RPS8: variants seen among roughly 807,000 people sequenced by gnomAD.
RPS8 encodes small ribosomal subunit protein eS8.
For synonymous variants in RPS8, 100 were observed against 100.7 expected (o/e 0.99, Z 0.04); for missense variants, 141 against 269.7 (o/e 0.52, Z 3.34).
chr1:44,778,463 T>A (rs1028116275), intron 5 of RPS8, 113 bp from the exon 6 acceptor site: 12 of 881,338 alleles, frequency 1.4e-5, no homozygotes, highest in Non-Finnish European at 2.3e-5. Flanking sequence ...AGGAGACAGC[T>A]GGCTTCATGC....
chr1:44,778,209 TTGAC>T lies in RPS8; in HGVS notation c.517+83_517+86del, dbSNP rs888041485. 7 of 1,547,584 alleles carry T rather than the reference TTGAC, an allele frequency of 4.5e-6. No individual in the cohort carries two copies. The African/African-American group carries it at 8.2e-5, about 18-fold the overall frequency. On this transcript the variant is annotated intron_variant, in intron 5 of 5. Transcript: ENST00000396651. Reference sequence around the variant, plus strand: ...GCACTTTTCCCTTGTCTCAGTTCCTTTGACTGCCAGCCATGCAGTCTAAAGGGTT... The same window carrying T: ...GCACTTTTCCCTTGTCTCAGTTCCTTTGCCAGCCATGCAGTCTAAAGGGTT...
In RPS8 at chr1:44,776,113, G is replaced by A. The variant is rs760170250; in HGVS notation, c.84G>A (p.Glu28=). The change falls in exon 2 of 6, where the codon GAG becomes GAA. Residue 28 remains glutamate, a synonymous_variant. Coordinates refer to ENST00000396651, the MANE Select transcript of RPS8 (RefSeq NM_001012.2). ...CCTACCACAAGAAGCGGAAGTATGA[G>A]TTGGGGCGCCCAGCTGCCAACACCA... ...RKPYHKKRKY[E]LGRPAANTKI... is the part of the protein sequence containing the mutation. 1 of 1,606,170 alleles carries A rather than the reference G, an allele frequency of 6.2e-7. No homozygotes were observed. The highest frequency in any genetic ancestry group is 8.5e-7 in the Non-Finnish European group (1 of 1,177,848).
At chr1:44,778,230 T>A in intron 5 of RPS8, 101 bp downstream of exon 5, 2 of 1,428,296 alleles carry the variant, frequency 1.4e-6, no homozygotes, top group Non-Finnish European at 2.0e-6. Flanking sequence ...CCATGCAGTC[T>A]AAAGGGTTCA....
In RPS8 at chr1:44,775,582, A is replaced by G. The variant is rs550212070; in HGVS notation, c.-15A>G. On this transcript the variant is annotated 5_prime_UTR_variant, in exon 1 of 6. Transcript: ENST00000396651. ...GTGAATCTTTGCGGTTTCTCTTTCCAGCCAGCGCCGAGCGATGGGTGAGTG... is the reference window on the plus strand; with the variant it reads ...GTGAATCTTTGCGGTTTCTCTTTCCGGCCAGCGCCGAGCGATGGGTGAGTG... 565 of 1,614,106 alleles carry G rather than the reference A, an allele frequency of 3.5e-4. 9 individuals carry two copies. The South Asian group carries it at 5.9e-3, about 17-fold the overall frequency.
chr1:44,778,724 A>G lies in RPS8; in HGVS notation c.*39A>G. ...CTTCACCCATGTAATAAAGGTGTTT[A>G]TTGTTTTGTTCCCACATTTATGTTG... On this transcript the variant is annotated 3_prime_UTR_variant, in exon 6 of 6. Transcript: ENST00000396651. 7.3e-7 allele frequency: 1 copy of G among 1,377,936 alleles called. No homozygotes were observed. The highest frequency in any genetic ancestry group is 1.3e-5 in the South Asian group (1 of 79,948). 85.4% of individuals were successfully genotyped at this position (1,377,936 alleles called of 1,614,324 possible).
Position 44,775,973 on chromosome 1 carries a change from T to C in RPS8, c.5-61T>C. The C allele has an allele frequency of 2.0e-6, 3 of 1,521,652 alleles. No homozygotes were observed. In the South Asian group the frequency reaches 3.4e-5, roughly 17 times the overall value. 94.3% of individuals were successfully genotyped at this position (1,521,652 alleles called of 1,614,324 possible). A position where few individuals can be genotyped will look rare whatever the true frequency, so the allele number is the denominator to read the frequency against. On this transcript the variant is annotated intron_variant, in intron 1 of 5. Transcript: ENST00000396651. ...GCCCGGCGCGGGGGTCTCCGGGAGC[T>C]GGCGAGTCGCTAGCACCGAGTCACA...
Position 44,775,617 on chromosome 1 carries a change from A to G in RPS8, c.4+17A>G, listed in dbSNP as rs990748145. On this transcript the variant is annotated intron_variant, in intron 1 of 5. Transcript: ENST00000396651. ...GAGCGATGGGTGAGTGTCGCTCTGC[A>G]TTGAGGCGGGTGAAGGGAGGTTGAG... is the stretch of plus-strand genomic sequence containing the variant. The G allele has an allele frequency of 1.4e-5, 22 of 1,613,954 alleles. No homozygotes were observed. Among genetic ancestry groups the G allele is most frequent in the Non-Finnish European group, 1.4e-5 (17 of 1,179,964 alleles).
chr1:44,778,262 A>T (rs897859219), intron 5 of RPS8, 133 bp downstream of exon 5: 2 of 1,157,922 alleles, frequency 1.7e-6, no homozygotes, highest in African/African-American at 3.0e-5. Context: ...CTGCGAGCAC[A>T]AAGGGGAACG....
intron 5 of RPS8, 77 bp downstream of exon 5, chr1:44,778,206 C>T: frequency 6.5e-7 from 1 of 1,545,360 alleles, no homozygotes; most frequent in Non-Finnish European, 8.8e-7. Context: ...TGTCTCAGTT[C>T]CTTTGACTGC....
At chr1:44,778,263 A>G (rs997513863) in intron 5 of RPS8, 134 bp downstream of exon 5, 19 of 1,145,096 alleles carry the variant, frequency 1.7e-5, no homozygotes, top group Admixed American at 8.7e-5. Context: ...TGCGAGCACA[A>G]AGGGGAACGT....
Position 44,776,443 on chromosome 1 carries a change from A to G in RPS8, c.112-232A>G, listed in dbSNP as rs1650856349. 20 of 752,616 alleles carry G rather than the reference A, an allele frequency of 2.7e-5. No homozygotes were observed. The East Asian group carries it at 4.9e-4, about 18-fold the overall frequency. The allele number at this position is 752,616 out of a possible 1,614,324, so 46.6% of individuals were successfully genotyped here. ...AGAAGCCTAGTCTTGTTTTTTTTAC[A>G]GAGGCTTAATTTTCAGCATTTGGGG... is the stretch of plus-strand genomic sequence containing the variant. On this transcript the variant is annotated intron_variant, in intron 2 of 5. Transcript: ENST00000396651.
chr1:44,776,630 T>G, intron 2 of RPS8, 45 bp from the exon 3 acceptor site: 1 of 1,555,530 alleles, frequency 6.4e-7, no homozygotes, highest in Non-Finnish European at 8.9e-7. Context: ...CTCACTTGCC[T>G]TGCTCTCCTT....
At position 44,776,071 on chromosome 1, in the gene RPS8, C is replaced by A; in HGVS notation, c.42C>A (p.Thr14=). The change falls in exon 2 of 6, where the codon ACC becomes ACA. Residue 14 remains threonine (T), a synonymous_variant. Coordinates refer to ENST00000396651, the MANE Select transcript of RPS8 (RefSeq NM_001012.2). The part of the protein sequence containing the change: ...SRDNWHKRRK[T]GGKRKPYHKK... ...ACAACTGGCACAAGCGCCGCAAAAC[C>A]GGGGGCAAGAGAAAGCCCTACCACA... 6.2e-7 allele frequency: 1 copy of A among 1,611,494 alleles called. No individual in the cohort carries two copies.
At chr1:44,777,216 C>G (rs1397964396) in intron 3 of RPS8, 1 of 215,106 alleles carries the variant, frequency 4.6e-6, no homozygotes, top group African/African-American at 2.3e-5. Context: ...GGATTACAGG[C>G]GTGTGCCATC....
At chr1:44,777,876 T>C (rs1339996223) in intron 4 of RPS8, 87 bp downstream of exon 4, 3 of 1,578,732 alleles carry the variant, frequency 1.9e-6, no homozygotes, top group Admixed American at 3.3e-5. Context: ...GTTCTGCTAC[T>C]GAAGGGAGAG....
At chr1:44,777,575 C>T (rs376439083) in intron 3 of RPS8, 39 bp from the exon 4 acceptor site, 93 of 1,567,866 alleles carry the variant, frequency 5.9e-5, no homozygotes, top group Non-Finnish European at 7.9e-5. Flanking sequence ...GGCCATTTGT[C>T]CTCCAGTTTA....
At chr1:44,776,468 G>A (rs768964306) in intron 2 of RPS8, 1 of 761,980 alleles carries the variant, frequency 1.3e-6, no homozygotes, top group South Asian at 1.4e-5. Context: ...AGCATTTGGG[G>A]TCAGGCTTTC....
intron 3 of RPS8, 22 bp downstream of exon 3, chr1:44,776,796 T>G: frequency 6.4e-7 from 1 of 1,557,712 alleles, no homozygotes; most frequent in Non-Finnish European, 8.7e-7. Context: ...CCTTTGGGAG[T>G]GGGTGGGAAA....
intron 2 of RPS8, 49 bp from the exon 3 acceptor site, chr1:44,776,626 T>TG: frequency 2.6e-6 from 4 of 1,530,638 alleles, no homozygotes; most frequent in Non-Finnish European, 3.6e-6. Flanking sequence ...CTCCCTCACT[T>TG]GCCTTGCTCT....
Sources: allele counts gnomAD v4.1 joint callset, GRCh38; gene constraint gnomAD v4.1.1; transcripts MANE v1.5; gene names NCBI Gene and HGNC (gene_info 2026-07-23, HGNC 2026-07-21).